MESD: variants seen among roughly 807,000 people sequenced by gnomAD.
MESD encodes the protein mesoderm development LRP chaperone.
MESD carries 7 observed loss-of-function variants against 12.9 expected under a neutral mutation model. That is an observed-to-expected ratio of 0.54 (90% confidence interval 0.31 to 1.02). MESD has a LOEUF of 1.02. MESD is among the 50% of genes least tolerant of loss of function. The pLI, the probability that MESD is intolerant of heterozygous loss-of-function variation, is 0.05. For missense variants in MESD, 342 were observed against 296.7 expected (o/e 1.15, Z -1.12); for synonymous variants, 126 against 115.6 (o/e 1.09, Z -0.58).
In MESD at chr15:80,984,544, T is replaced by C. The variant is rs1162608669; in HGVS notation, c.214-2362A>G. ...ATTTATAGGAAATGTCCAGAATGGATAAATCTGTTGAGACAGAAGGTAGAT... is the reference window on the plus strand; with the variant it reads ...ATTTATAGGAAATGTCCAGAATGGACAAATCTGTTGAGACAGAAGGTAGAT... On this transcript the variant is annotated intron_variant, in intron 1 of 2. Coordinates refer to ENST00000261758, the MANE Select transcript of MESD (RefSeq NM_015154.3). 2.6e-5 allele frequency among the ~76,000 whole-genome samples: 4 copies of C among 152,218 alleles called. No individual in the cohort carries two copies. The East Asian group carries it at 5.8e-4, about 22-fold the overall frequency.
Position 80,982,131 on chromosome 15 carries a change from C to G in MESD, c.265G>C (p.Ala89Pro). The change falls in exon 2 of 3, where the codon GCA becomes CCA. Residue 89 changes from alanine (A) to proline (P), a missense_variant. Physicochemically the swap from Ala to Pro is conservative, Grantham distance 27. Coordinates refer to ENST00000261758, the MANE Select transcript of MESD (RefSeq NM_015154.3). ...GDLPEHKRPSAPVDFSKIDPS... is the reference protein window; with the variant it reads ...GDLPEHKRPSPPVDFSKIDPS... ...TCTATCTTTGAGAAGTCGACAGGTG[C>G]TGAAGGTCTCTTGTGCTCTGGAAGA... The G allele has an allele frequency of 6.2e-7, 1 of 1,614,120 alleles. No homozygotes were observed. The highest frequency in any genetic ancestry group is 8.5e-7 in the Non-Finnish European group (1 of 1,180,018).
chr15:80,985,379 C>T (rs1902701506), intron 1 of MESD, among the ~76,000 whole-genome samples: 1 of 152,154 alleles, frequency 6.6e-6, no homozygotes, highest in South Asian at 2.1e-4. Context: ...TTGGCTATGA[C>T]ACTGCTGACT....
chr15:80,986,479 C>T (rs911992370), intron 1 of MESD, among the ~76,000 whole-genome samples: 3 of 152,134 alleles, frequency 2.0e-5, no homozygotes, highest in East Asian at 1.9e-4. Context: ...CCTGAATTGA[C>T]CATTACATTT....
Position 80,978,900 on chromosome 15 carries a change from G to A in MESD, c.*319C>T, listed in dbSNP as rs1349424465. On this transcript the variant is annotated 3_prime_UTR_variant, in exon 3 of 3. Coordinates refer to ENST00000261758, the MANE Select transcript of MESD (RefSeq NM_015154.3). ...CCAATCACAGCAGGTGCTTGGAGGGGAGTGGAATCTCAGTAGAGTTGATGA... is the reference window on the plus strand; with the variant it reads ...CCAATCACAGCAGGTGCTTGGAGGGAAGTGGAATCTCAGTAGAGTTGATGA... The A allele has an allele frequency of 2.7e-6, 1 of 366,652 alleles. No homozygotes were observed. Among genetic ancestry groups the A allele is most frequent in the Non-Finnish European group, 5.0e-6 (1 of 201,846 alleles). 22.7% of individuals were successfully genotyped at this position (366,652 alleles called of 1,614,324 possible).
rs149045938 is a variant in MESD at position 80,960,478 on chromosome 15, G to T, written c.*289-8182C>A. Reference sequence around the variant, plus strand: ...CACAAAGTGGAAAGAAGGAGTACAAGGACTTACACTCCCTTGGAAAGAAAG... The same window carrying T: ...CACAAAGTGGAAAGAAGGAGTACAATGACTTACACTCCCTTGGAAAGAAAG... On this transcript the variant is annotated intron_variant, in intron 3 of 4. Coordinates refer to the MESD transcript ENST00000561312. Among the ~76,000 whole-genome samples, 1,149 of 151,624 alleles carry T rather than the reference G, an allele frequency of 7.6e-3. 4 individuals carry two copies. The highest frequency in any genetic ancestry group is 0.013 in the Non-Finnish European group (897 of 67,964).
At chr15:80,946,835 C>A (rs1206070323), downstream of MESD, 1 of 715,654 alleles carries the variant, frequency 1.4e-6, no homozygotes, top group Non-Finnish European at 2.6e-6. Context: ...CTGCCCTTTC[C>A]CGAATCCCTG....
At chr15:80,961,238 T>C (rs935446174) in intron 3 of MESD, among the ~76,000 whole-genome samples, 1 of 151,602 alleles carries the variant, frequency 6.6e-6, no homozygotes, top group Non-Finnish European at 1.5e-5. Flanking sequence ...TGCTGATATT[T>C]TATATGAGAG....
intron 1 of MESD, among the ~76,000 whole-genome samples, chr15:80,985,786 G>C (rs1409709163): frequency 1.3e-5 from 2 of 151,608 alleles, no homozygotes. Context: ...AGAGTAGCTG[G>C]GACCACAAGT....
At chr15:80,955,204 G>A (rs58851803) in intron 3 of MESD, among the ~76,000 whole-genome samples, 1 of 151,142 alleles carries the variant, frequency 6.6e-6, no homozygotes, top group Non-Finnish European at 1.5e-5. Flanking sequence ...GCCCAATCTC[G>A]GCCGGGCGCG....
chr15:80,974,859 A>C (rs1421112958), downstream of MESD, among the ~76,000 whole-genome samples: 1 of 151,320 alleles, frequency 6.6e-6, no homozygotes, highest in Non-Finnish European at 1.5e-5. Context: ...TTAAAAAATT[A>C]TTTAAAATTT....
At chr15:80,955,824 G>T (rs938644682) in intron 3 of MESD, among the ~76,000 whole-genome samples, 1 of 151,944 alleles carries the variant, frequency 6.6e-6, no homozygotes, top group Non-Finnish European at 1.5e-5. Flanking sequence ...TTTTCGCCAT[G>T]TTGGCCAGGC....
intron 1 of MESD, among the ~76,000 whole-genome samples, chr15:80,988,989 T>C (rs1333970460): frequency 1.3e-5 from 2 of 152,192 alleles, no homozygotes; most frequent in Non-Finnish European, 2.9e-5. Flanking sequence ...AGTTTCACGA[T>C]ACAGAGCCAT....
chr15:80,968,844 T>C (rs1159419463), intron 3 of MESD, among the ~76,000 whole-genome samples: 2 of 152,272 alleles, frequency 1.3e-5, no homozygotes, highest in East Asian at 3.9e-4. Flanking sequence ...GAACTGTGCT[T>C]CAAAGGGCCA....
At chr15:80,949,896 C>G (rs535254281) in intron 4 of MESD, 3 of 152,400 alleles carry the variant, frequency 2.0e-5, no homozygotes, top group Admixed American at 6.5e-5. Context: ...TTCAGCCCTC[C>G]CTGCCGCTGC....
At chr15:80,948,589 C>T (rs1411448421) in exon 5 of MESD, 1 of 659,062 alleles carries the variant, frequency 1.5e-6, no homozygotes, top group Non-Finnish European at 2.7e-6. Context: ...GGCAGTGAGG[C>T]TCAGGTGAGA....
intron 3 of MESD, among the ~76,000 whole-genome samples, chr15:80,957,866 G>T (rs1045294596): frequency 1.3e-5 from 2 of 151,812 alleles, no homozygotes; most frequent in East Asian, 1.9e-4. Flanking sequence ...GTTGGATGAA[G>T]CGCCACCCAC....
Position 80,979,312 on chromosome 15 carries a change from C to T in MESD, c.612G>A (p.Lys204=), listed in dbSNP as rs1446008287. 5.0e-6 allele frequency: 8 copies of T among 1,613,934 alleles called. No individual in the cohort carries two copies. The East Asian group carries it at 6.7e-5, about 13-fold the overall frequency. Residue 204 remains lysine, a synonymous_variant, in exon 3 of 3, where the codon AAG becomes AAA. Transcript: ENST00000261758. ...GGGSKEKNKT[K]QDKGKKKKEG... is the part of the protein sequence containing the mutation. ...CCTTCTTTTTTTTGCCCTTGTCTTGCTTTGTTTTATTTTTCTCTTTGCTTC... is the reference window on the plus strand; with the variant it reads ...CCTTCTTTTTTTTGCCCTTGTCTTGTTTTGTTTTATTTTTCTCTTTGCTTC...
At position 80,959,203 on chromosome 15, in the gene MESD, G is replaced by C. The variant is rs114392759; in HGVS notation, c.*289-6907C>G. ...GGGGAGACAGTTTTCCGGAGAGCCT[G>C]CCTTGCATGCCTGCCATGTGAGAGG... On this transcript the variant is annotated intron_variant, in intron 3 of 4. Transcript: ENST00000561312. Among the ~76,000 whole-genome samples, 1,252 of 152,344 alleles carry C rather than the reference G, an allele frequency of 8.2e-3. 20 individuals carry two copies. Among genetic ancestry groups the C allele is most frequent in the African/African-American group, 0.029 (1,197 of 41,582 alleles).
chr15:80,974,971 AAAAC>A (rs542344565), downstream of MESD, among the ~76,000 whole-genome samples: 10 of 151,804 alleles, frequency 6.6e-5, no homozygotes, highest in Admixed American at 2.6e-4. Flanking sequence ...AAAATCCCCC[AAAAC>A]AAACAAAGAA....
Sources: allele counts gnomAD v4.1 joint callset (sites outside exome capture counted in the v4.1 genomes callset), GRCh38; gene constraint gnomAD v4.1.1; transcripts MANE v1.5; gene names NCBI Gene and HGNC (gene_info 2026-07-23, HGNC 2026-07-21).